GRM8: variants seen among roughly 807,000 people sequenced by gnomAD.
GRM8 encodes metabotropic glutamate receptor 8.
GRM8 carries 47 observed loss-of-function variants against 87.2 expected under a neutral mutation model. The ratio of observed to expected loss-of-function variants is 0.54; its 90% CI spans 0.43 to 0.69. The LOEUF (loss-of-function observed/expected upper bound fraction) is 0.69. Ranked by LOEUF, GRM8 falls within the 30% of genes least tolerant of loss-of-function variation. GRM8 has a pLI of 0.00. For synonymous variants in GRM8, 396 were observed against 404.5 expected, an observed-to-expected ratio of 0.98 and a Z score of 0.25; for missense variants, 1,019 against 1,139.2, an observed-to-expected ratio of 0.89 and a Z score of 1.52.
chr7:126,611,845 G>A (rs1798944658), intron 7 of GRM8, among the ~76,000 whole-genome samples: 1 of 152,148 alleles, frequency 6.6e-6, no homozygotes, highest in South Asian at 2.1e-4. Flanking sequence ...CCTCTCAAGA[G>A]AGCTCATTAG....
At chr7:126,510,864 A>T (rs1209147616) in intron 9 of GRM8, among the ~76,000 whole-genome samples, 1 of 152,094 alleles carries the variant, frequency 6.6e-6, no homozygotes, top group East Asian at 1.9e-4. Flanking sequence ...AAATATTTTG[A>T]CCAAAATTAG....
At chr7:126,860,834 T>C (rs181435018) in intron 6 of GRM8, among the ~76,000 whole-genome samples, 124 of 152,258 alleles carry the variant, frequency 8.1e-4, no homozygotes, top group African/African-American at 2.8e-3. Flanking sequence ...CTTTTTAAAA[T>C]ATACTTTTTA....
At chr7:127,037,736 C>T (rs1340071199) in intron 3 of GRM8, among the ~76,000 whole-genome samples, 10 of 152,102 alleles carry the variant, frequency 6.6e-5, no homozygotes, top group South Asian at 2.1e-4. Flanking sequence ...CAAACAATAG[C>T]GGAGATATCT....
chr7:126,441,772 C>A (rs1466004778), intron 10 of GRM8, among the ~76,000 whole-genome samples: 1 of 141,268 alleles, frequency 7.1e-6, no homozygotes, highest in Non-Finnish European at 1.6e-5. Context: ...ACAAAGTTCA[C>A]AACCACTAAA....
intron 9 of GRM8, among the ~76,000 whole-genome samples, chr7:126,484,245 T>A (rs1176004909): frequency 1.3e-5 from 2 of 152,196 alleles, no homozygotes; most frequent in Admixed American, 1.3e-4. Flanking sequence ...AACAGCTGGT[T>A]ACCCCAATGA....
rs141335241 is a variant in GRM8, at chr7:127,071,326, A to C, written c.727+35170T>G. Among the ~76,000 whole-genome samples the C allele has an allele frequency of 6.4e-4, 98 of 152,306 alleles. No homozygotes were observed. The East Asian group carries it at 0.018, about 28-fold the overall frequency. ...CTTTAAAAGGTTTTTTCAAATGGTT[A>C]ATTTGATATCCTAGAGTATTCAGCA... On this transcript the variant is annotated intron_variant, in intron 3 of 10. Coordinates refer to ENST00000339582, the MANE Select transcript of GRM8 (RefSeq NM_000845.3).
chr7:126,883,930 T>C (rs1382575804), intron 6 of GRM8, among the ~76,000 whole-genome samples: 1 of 152,176 alleles, frequency 6.6e-6, no homozygotes, highest in Admixed American at 6.5e-5. Flanking sequence ...ATATCAGATG[T>C]ATAAAATATG....
At chr7:127,066,703 G>A (rs542914610) in intron 3 of GRM8, among the ~76,000 whole-genome samples, 1 of 152,106 alleles carries the variant, frequency 6.6e-6, no homozygotes, top group Non-Finnish European at 1.5e-5. Flanking sequence ...ATTAACAGTA[G>A]TCATCCTACA....
chr7:126,511,222 T>C (rs972450098), intron 9 of GRM8: 1 of 152,142 alleles, frequency 6.6e-6, no homozygotes, highest in African/African-American at 2.4e-5. Context: ...TTCAGGGCTG[T>C]GCTGTTTATT....
At chr7:127,052,287 T>C (rs1819569968) in intron 3 of GRM8, among the ~76,000 whole-genome samples, 1 of 152,148 alleles carries the variant, frequency 6.6e-6, no homozygotes, top group Admixed American at 6.5e-5. Flanking sequence ...CTTCAATATA[T>C]ATTGGTGCTC....
intron 2 of GRM8, among the ~76,000 whole-genome samples, chr7:127,218,251 C>T (rs1050238305): frequency 6.6e-6 from 1 of 152,224 alleles, no homozygotes; most frequent in Non-Finnish European, 1.5e-5. Context: ...TCCTTTCTTG[C>T]CCCAACAGTG....
intron 2 of GRM8, among the ~76,000 whole-genome samples, chr7:127,185,581 C>G (rs1486808971): frequency 2.6e-5 from 4 of 152,126 alleles, no homozygotes; most frequent in Non-Finnish European, 4.4e-5. Context: ...AGATACAACA[C>G]CAAAGCATAA....
At chr7:127,078,842 T>C (rs1303853498) in intron 3 of GRM8, among the ~76,000 whole-genome samples, 1 of 152,218 alleles carries the variant, frequency 6.6e-6, no homozygotes, top group African/African-American at 2.4e-5. Flanking sequence ...AGGAGTAATT[T>C]TCCAAAGCTT....
intron 3 of GRM8, among the ~76,000 whole-genome samples, chr7:127,048,458 C>A (rs1819155612): frequency 6.6e-6 from 1 of 152,192 alleles, no homozygotes; most frequent in Non-Finnish European, 1.5e-5. Context: ...GGTGGTCTGG[C>A]AGATTTTTAA....
intron 3 of GRM8, among the ~76,000 whole-genome samples, chr7:127,035,297 G>A (rs1289499773): frequency 6.6e-6 from 1 of 152,158 alleles, no homozygotes; most frequent in Non-Finnish European, 1.5e-5. Context: ...TTAAGGCTGT[G>A]TCTATACGGT....
At chr7:126,728,024 G>A (rs1813201502) in intron 7 of GRM8, among the ~76,000 whole-genome samples, 1 of 152,126 alleles carries the variant, frequency 6.6e-6, no homozygotes, top group Admixed American at 6.6e-5. Flanking sequence ...GACACAAAAG[G>A]AAGTGAGTCA....
intron 7 of GRM8, among the ~76,000 whole-genome samples, chr7:126,750,410 A>G (rs1816285566): frequency 6.6e-6 from 1 of 152,092 alleles, no homozygotes; most frequent in Admixed American, 6.6e-5. Flanking sequence ...ACCACTGCAT[A>G]TATTTGTTAA....
intron 3 of GRM8, among the ~76,000 whole-genome samples, chr7:126,928,143 T>C (rs1464858498): frequency 7.0e-6 from 1 of 143,410 alleles, no homozygotes; most frequent in African/African-American, 2.6e-5. Flanking sequence ...CTGCATGTTC[T>C]CACTCATAAG....
chr7:126,584,302 T>C (rs960426495), intron 8 of GRM8, among the ~76,000 whole-genome samples: 4 of 134,344 alleles, frequency 3.0e-5, no homozygotes, highest in Non-Finnish European at 7.0e-5. Context: ...CTGGGCTCAT[T>C]GCAACTCCAT....
Sources: gnomAD v4.1 joint callset for allele counts (sites outside exome capture counted in the v4.1 genomes callset) on GRCh38, gnomAD v4.1.1 for gene constraint, MANE v1.5 for transcripts, NCBI Gene and HGNC (gene_info 2026-07-23, HGNC 2026-07-21) for gene names.